PRKN: variants seen among roughly 807,000 people sequenced by gnomAD.
The protein encoded by PRKN is parkin RBR E3 ubiquitin protein ligase.
In PRKN, 56 loss-of-function variants were observed where a neutral mutation model predicts 59.5. That is an observed-to-expected ratio of 0.94 (90% CI 0.76 to 1.18). The LOEUF (loss-of-function observed/expected upper bound fraction) is 1.18, where lower values mean the gene tolerates loss of function less well. Ranked by LOEUF, PRKN falls within the 50% of genes most tolerant of loss-of-function variation. PRKN has a pLI of 0.00. For missense variants in PRKN, 657 were observed against 596.4 expected, an observed-to-expected ratio of 1.10 and a Z score of -1.06; for synonymous variants, 250 against 222.1, an observed-to-expected ratio of 1.13 and a Z score of -1.12.
At chr6:162,437,222 T>C (rs1263717256) in intron 2 of PRKN, among the ~76,000 whole-genome samples, 1 of 152,242 alleles carries the variant, frequency 6.6e-6, no homozygotes, top group East Asian at 1.9e-4. Flanking sequence ...TAAATTATTT[T>C]TCTCATTTCT....
intron 6 of PRKN, among the ~76,000 whole-genome samples, chr6:161,936,789 T>A (rs1052225535): frequency 3.9e-5 from 2 of 51,368 alleles, no homozygotes; most frequent in Non-Finnish European, 8.9e-5. Flanking sequence ...TTGTTTCATA[T>A]TTTTTTTTTT....
Position 162,500,864 on chromosome 6 carries a change from T to C in PRKN, c.8-57391A>G, listed in dbSNP as rs182516311. On this transcript the variant is annotated intron_variant, in intron 1 of 11. Transcript: ENST00000366898. The stretch of plus-strand genomic sequence containing the variant: ...CTTAAATACTATTAATTTTATTACT[T>C]ACATAATAAAGATGTTTTAGGTTGG... 9.2e-5 allele frequency among the ~76,000 whole-genome samples: 14 copies of C among 152,300 alleles called. No individual in the cohort carries two copies. In the East Asian group the frequency reaches 2.5e-3, roughly 27 times the overall value.
At chr6:161,762,971 A>G (rs570512728) in intron 7 of PRKN, among the ~76,000 whole-genome samples, 4 of 152,354 alleles carry the variant, frequency 2.6e-5, no homozygotes, top group African/African-American at 9.6e-5. Flanking sequence ...GAGACTACTG[A>G]GGACAAAAGA....
chr6:162,284,612 A>C (rs1009243783), intron 2 of PRKN, among the ~76,000 whole-genome samples: 4 of 152,138 alleles, frequency 2.6e-5, no homozygotes, highest in Admixed American at 2.0e-4. Context: ...TTACATTTGA[A>C]GTTTGGGCAG....
At chr6:161,649,265 C>T (rs1362408742) in intron 7 of PRKN, among the ~76,000 whole-genome samples, 4 of 152,192 alleles carry the variant, frequency 2.6e-5, no homozygotes, top group African/African-American at 9.7e-5. Context: ...GCGCCGTTCA[C>T]AATGCACCCT....
chr6:161,601,840 C>T (rs1782118666), intron 7 of PRKN, among the ~76,000 whole-genome samples: 1 of 152,102 alleles, frequency 6.6e-6, no homozygotes, highest in Admixed American at 6.6e-5. Flanking sequence ...CCTCGGCCTC[C>T]CAAAGTGCTG....
At chr6:162,096,584 G>A (rs1779743051) in intron 4 of PRKN, among the ~76,000 whole-genome samples, 1 of 152,060 alleles carries the variant, frequency 6.6e-6, no homozygotes, top group Non-Finnish European at 1.5e-5. Flanking sequence ...TCATGGGGGT[G>A]GTTTATCCCA....
intron 1 of PRKN, among the ~76,000 whole-genome samples, chr6:162,594,993 T>C (rs1781445953): frequency 6.6e-6 from 1 of 152,112 alleles, no homozygotes; most frequent in Non-Finnish European, 1.5e-5. Flanking sequence ...GCTAACACGG[T>C]GAAACCCCAT....
chr6:161,580,798 G>A (rs1781310434), intron 7 of PRKN, among the ~76,000 whole-genome samples: 1 of 151,710 alleles, frequency 6.6e-6, no homozygotes, highest in Non-Finnish European at 1.5e-5. Flanking sequence ...TTTTAAGCAA[G>A]CACTTATCAA....
intron 1 of PRKN, among the ~76,000 whole-genome samples, chr6:162,683,842 G>T (rs1779866746): frequency 6.6e-6 from 1 of 151,978 alleles, no homozygotes; most frequent in Non-Finnish European, 1.5e-5. Context: ...GGAAAAAAAG[G>T]CAAGAAAGAA....
intron 1 of PRKN, among the ~76,000 whole-genome samples, chr6:162,515,356 T>C (rs572843282): frequency 3.9e-5 from 6 of 152,312 alleles, no homozygotes; most frequent in Non-Finnish European, 4.4e-5. Flanking sequence ...GTGGTGGGAT[T>C]ATAGGCATGA....
chr6:162,555,913 C>A (rs1297297295), intron 1 of PRKN, among the ~76,000 whole-genome samples: 1 of 145,638 alleles, frequency 6.9e-6, no homozygotes, highest in African/African-American at 2.5e-5. Context: ...ATCGCTTGAA[C>A]CTGGGAGGTG....
At chr6:161,901,901 G>A (rs983205695) in intron 6 of PRKN, among the ~76,000 whole-genome samples, 8 of 152,150 alleles carry the variant, frequency 5.3e-5, no homozygotes, top group African/African-American at 1.2e-4. Flanking sequence ...CTTGGGCTGC[G>A]AGGTGCAAGT....
chr6:161,749,886 T>C (rs796674541), intron 7 of PRKN, among the ~76,000 whole-genome samples: 37 of 152,206 alleles, frequency 2.4e-4, no homozygotes, highest in African/African-American at 8.7e-4. Context: ...CAGAGTACTT[T>C]AAAAAACAAC....
At chr6:162,505,801 T>C (rs1460744057) in intron 1 of PRKN, among the ~76,000 whole-genome samples, 2 of 152,208 alleles carry the variant, frequency 1.3e-5, no homozygotes, top group African/African-American at 2.4e-5. Context: ...CTGTGAGTAT[T>C]TGTCACATCA....
At chr6:162,565,697 AATACATACATACATAC>A (rs55883841) in intron 1 of PRKN, among the ~76,000 whole-genome samples, 19 of 148,790 alleles carry the variant, frequency 1.3e-4, no homozygotes, top group South Asian at 2.2e-4. Context: ...TCTCAAAATA[AATACATACATACATAC>A]ATACATACAT....
intron 1 of PRKN, among the ~76,000 whole-genome samples, chr6:162,674,944 A>G (rs1454517946): frequency 6.6e-6 from 1 of 152,210 alleles, no homozygotes; most frequent in East Asian, 1.9e-4. Flanking sequence ...TTTTGACCTT[A>G]TATGGCTAGG....
Position 161,353,395 on chromosome 6 carries a change from T to A in PRKN, c.1286-3184A>T, listed in dbSNP as rs1784635789. ...TTGCAGGGTCTCCCCACTCCATCTTTTAGCGTGAGATCAAAGCCTTTCTGT... is the reference window on the plus strand; with the variant it reads ...TTGCAGGGTCTCCCCACTCCATCTTATAGCGTGAGATCAAAGCCTTTCTGT... On this transcript the variant is annotated intron_variant, in intron 11 of 11. Transcript: ENST00000366898. This position sits in a 1 kb window ranked among gnomAD's most constrained non-coding sequence, Gnocchi z 4.8. Among the ~76,000 whole-genome samples, 1 of 152,130 alleles carries A rather than the reference T, an allele frequency of 6.6e-6. No homozygotes were observed. The highest frequency in any genetic ancestry group is 6.5e-5 in the Admixed American group (1 of 15,270).
intron 9 of PRKN, among the ~76,000 whole-genome samples, chr6:161,430,814 CAAAAAAAAAAAA>C (rs35611748): frequency 7.5e-4 from 44 of 58,342 alleles, no homozygotes; most frequent in Non-Finnish European, 1.1e-3. Context: ...GACTCCGTCT[CAAAAAAAAAAAA>C]AAAAAAAAAA....
Sources: allele counts gnomAD v4.1 joint callset (sites outside exome capture counted in the v4.1 genomes callset), GRCh38; gene constraint gnomAD v4.1.1; non-coding constraint Gnocchi (gnomAD v3.1); transcripts MANE v1.5; gene names NCBI Gene and HGNC (gene_info 2026-07-23, HGNC 2026-07-21).